Variants in ENTPD4 observed in about 807,000 individuals in gnomAD.
ENTPD4 encodes the protein ectonucleoside triphosphate diphosphohydrolase 4, also known as Golgi UDPase.
In ENTPD4, 60 loss-of-function variants were observed where a neutral mutation model predicts 79.1. The ratio of observed to expected loss-of-function variants is 0.76; its 90% CI spans 0.62 to 0.94. The LOEUF is 0.94. Ranked by LOEUF, ENTPD4 falls within the 40% of genes least tolerant of loss-of-function variation. ENTPD4 has a pLI of 0.00. For missense variants in ENTPD4, 772 were observed against 775.1 expected, an observed-to-expected ratio of 1.00 and a Z score of 0.05; for synonymous variants, 276 against 292.0, an observed-to-expected ratio of 0.95 and a Z score of 0.56.
At position 23,449,982 on chromosome 8, in the gene ENTPD4, C is replaced by A. The variant is rs761472654; in HGVS notation, c.-82G>T. On this transcript the variant is annotated 5_prime_UTR_variant, in exon 2 of 13. Transcript: ENST00000358689. ...TATAGAAATAATGCTGGGGTCCTCA[C>A]GGAGTTAGAGCCCTCCTGTTCCAGG... 9.5e-6 allele frequency: 15 copies of A among 1,577,526 alleles called. No individual in the cohort carries two copies. Among genetic ancestry groups the A allele is most frequent in the Non-Finnish European group, 1.2e-5 (14 of 1,147,004 alleles).
intron 4 of ENTPD4, among the ~76,000 whole-genome samples, chr8:23,445,536 CA>C (rs894343165): frequency 2.0e-5 from 3 of 152,198 alleles, no homozygotes; most frequent in African/African-American, 7.2e-5. Context: ...CCTCCACCAC[CA>C]AGAAGAGTCT....
Position 23,431,906 on chromosome 8 carries a change from A to G in ENTPD4, c.*1020T>C, listed in dbSNP as rs1459743837. On this transcript the variant is annotated 3_prime_UTR_variant, in exon 13 of 13. Transcript: ENST00000358689. ...CGTAATTACCTGCGGTCAGGAAAAGATAACAGTAACGAGGATTTTTCTAAA... is the reference window on the plus strand; with the variant it reads ...CGTAATTACCTGCGGTCAGGAAAAGGTAACAGTAACGAGGATTTTTCTAAA... The G allele has an allele frequency of 1.0e-6, 1 of 985,450 alleles. No individual in the cohort carries two copies. The highest frequency in any genetic ancestry group is 1.2e-6 in the Non-Finnish European group (1 of 829,934). The allele number at this position is 985,450 out of a possible 1,614,324, so 61.0% of individuals were successfully genotyped here.
At chr8:23,451,418 C>G (rs1198527082) in intron 1 of ENTPD4, among the ~76,000 whole-genome samples, 1 of 152,178 alleles carries the variant, frequency 6.6e-6, no homozygotes, top group African/African-American at 2.4e-5. Context: ...GCTCTTATCT[C>G]TTGCCTGCTC....
At chr8:23,433,184 G>T (rs759194265) in intron 12 of ENTPD4, 30 bp from the exon 13 acceptor site, 1 of 1,599,144 alleles carries the variant, frequency 6.3e-7, no homozygotes, top group Non-Finnish European at 8.6e-7. Context: ...ACAACAAACA[G>T]GACAGTAAGC....
chr8:23,450,610 T>C (rs1468355880), intron 1 of ENTPD4, among the ~76,000 whole-genome samples: 1 of 152,234 alleles, frequency 6.6e-6, no homozygotes. Flanking sequence ...TCGTCTGGTC[T>C]GCTTCTGAGC....
chr8:23,437,038 G>A lies in ENTPD4; in HGVS notation c.1270C>T (p.Gln424Ter). 6.2e-7 allele frequency: 1 copy of A among 1,613,898 alleles called. No homozygotes were observed. Among genetic ancestry groups the A allele is most frequent in the Admixed American group, 1.7e-5 (1 of 60,030 alleles). ...NGVYQPPIHF[Q>*]NSEFYGFSEF... Reference sequence around the variant, plus strand: ...GAGAAGCCATAGAATTCACTGTTCTGGAAGTGAATTGGGGGCTGGTAGACC... The same window carrying A: ...GAGAAGCCATAGAATTCACTGTTCTAGAAGTGAATTGGGGGCTGGTAGACC... The change falls in exon 10 of 13, where the codon CAG becomes TAG. Residue 424 changes from glutamine (Q) to a stop codon, truncating the protein, a stop_gained. Transcript: ENST00000358689. LOFTEE classifies it high-confidence loss of function.
rs1200608345 is a variant in ENTPD4, at chr8:23,432,366, G to C, written c.*560C>G. The C allele has an allele frequency of 4.1e-6, 4 of 985,418 alleles. No individual in the cohort carries two copies. The highest frequency in any genetic ancestry group is 4.8e-6 in the Non-Finnish European group (4 of 830,132). 61.0% of individuals were successfully genotyped at this position (985,418 alleles called of 1,614,324 possible). The stretch of plus-strand genomic sequence containing the variant: ...TTTAACATTCCTTAGAGAAACCCCA[G>C]AAATCTCATTTATTTTTGGCAGATA... On this transcript the variant is annotated 3_prime_UTR_variant, in exon 13 of 13. Coordinates refer to ENST00000358689, the MANE Select transcript of ENTPD4 (RefSeq NM_004901.5).
intron 4 of ENTPD4, 59 bp downstream of exon 4, chr8:23,447,621 C>T (rs1229523184): frequency 5.2e-6 from 7 of 1,349,340 alleles, no homozygotes; most frequent in South Asian, 2.4e-5. Context: ...ATATGAAAGA[C>T]GCCACAGAGA....
intron 9 of ENTPD4, among the ~76,000 whole-genome samples, chr8:23,438,949 G>C (rs994316648): frequency 1.3e-5 from 2 of 152,054 alleles, no homozygotes; most frequent in Non-Finnish European, 2.9e-5. Context: ...CAATCTCTTA[G>C]CTCTATGAAC....
Position 23,430,460 on chromosome 8 carries a change from T to C in ENTPD4, c.*2466A>G. Reference sequence around the variant, plus strand: ...TACATTCCTGATTTAAGAGGATGCTTCTGTCTGTATCCTTTTTTGAACTGC... The same window carrying C: ...TACATTCCTGATTTAAGAGGATGCTCCTGTCTGTATCCTTTTTTGAACTGC... On this transcript the variant is annotated 3_prime_UTR_variant, in exon 13 of 13. Transcript: ENST00000358689. The C allele has an allele frequency of 1.0e-6, 1 of 985,500 alleles. No individual in the cohort carries two copies. The highest frequency in any genetic ancestry group is 1.2e-6 in the Non-Finnish European group (1 of 829,946). The allele number at this position is 985,500 out of a possible 1,614,324, so 61.0% of individuals were successfully genotyped here. A position where few individuals can be genotyped will look rare whatever the true frequency, so the allele number is the denominator to read the frequency against.
chr8:23,436,824 GCCTTC>G, intron 10 of ENTPD4, 105 bp downstream of exon 10: 2 of 886,406 alleles, frequency 2.3e-6, no homozygotes, highest in Non-Finnish European at 3.5e-6. Flanking sequence ...CTGCAGTGCA[GCCTTC>G]TATACTCCGT....
At chr8:23,455,971 C>A (rs1302798142) in intron 1 of ENTPD4, among the ~76,000 whole-genome samples, 2 of 152,208 alleles carry the variant, frequency 1.3e-5, no homozygotes, top group African/African-American at 4.8e-5. Flanking sequence ...CCACAGCAGG[C>A]ACCACTACCT....
Position 23,444,619 on chromosome 8 carries a change from G to A in ENTPD4, c.413-13C>T, listed in dbSNP as rs1800733659. On this transcript the variant is annotated splice_polypyrimidine_tract_variant and intron_variant, in intron 4 of 12. Coordinates refer to ENST00000358689, the MANE Select transcript of ENTPD4 (RefSeq NM_004901.5). ...AATTCTGAAATGCCTAGAGAAACAG[G>A]ATACTTTAGTTAAGAAGCAGATATT... The A allele has an allele frequency of 1.9e-6, 3 of 1,612,102 alleles. No individual in the cohort carries two copies. The highest frequency in any genetic ancestry group is 2.5e-6 in the Non-Finnish European group (3 of 1,178,296).
In ENTPD4 at chr8:23,435,432, G is replaced by A. The variant is rs1800540015; in HGVS notation, c.1420C>T (p.Arg474Ter). 5 of 1,613,858 alleles carry A rather than the reference G, an allele frequency of 3.1e-6. No individual in the cohort carries two copies. Among genetic ancestry groups the A allele is most frequent in the South Asian group, 1.1e-5 (1 of 91,058 alleles). Residue 474 changes from arginine to a stop codon, truncating the protein, a stop_gained, in exon 11 of 13, where the codon CGA becomes TGA. Transcript: ENST00000358689. LOFTEE classifies it high-confidence loss of function. ...TCAGCATGAGAGGCGTACAGTCCTCGGTCAAAGCGTTCCCGCAAAATGGAC... is the reference window on the plus strand; with the variant it reads ...TCAGCATGAGAGGCGTACAGTCCTCAGTCAAAGCGTTCCCGCAAAATGGAC... ...KWSILRERFD[R>*]GLYASHADLH...
chr8:23,433,109 CCG>C lies in ENTPD4; in HGVS notation c.1666_1667del (p.Arg556GlyfsTer126). Reference protein sequence around the residue: ...EAFRASHTHWRGVSFVYNHYL... With the variant: ...EAFRASHTHWXGVSFVYNHYL... ...AGTGGTTGTAGACAAAGGAAACGCC[CCG>C]CCAGTGGGTGTGACTGGCTCGGAAG... On this transcript the variant is annotated frameshift_variant, in exon 13 of 13. Coordinates refer to ENST00000358689, the MANE Select transcript of ENTPD4 (RefSeq NM_004901.5). LOFTEE classifies it high-confidence loss of function. The C allele has an allele frequency of 6.2e-7, 1 of 1,614,156 alleles. No individual in the cohort carries two copies. The highest frequency in any genetic ancestry group is 1.1e-5 in the South Asian group (1 of 91,078).
chr8:23,430,182 A>AC lies in ENTPD4; in HGVS notation c.*2743dup, dbSNP rs559840863. 164 of 985,416 alleles carry AC rather than the reference A, an allele frequency of 1.7e-4. No homozygotes were observed. The African/African-American group carries it at 2.8e-3, about 17-fold the overall frequency. The allele number at this position is 985,416 out of a possible 1,614,324, so 61.0% of individuals were successfully genotyped here. A position where few individuals can be genotyped will look rare whatever the true frequency, so the allele number is the denominator to read the frequency against. ...TTAGAGAAAGCACCTGGCTGTCTTC[A>AC]CCTACGCGAGACCTTCTCTGGAATG... On this transcript the variant is annotated 3_prime_UTR_variant, in exon 13 of 13. Transcript: ENST00000358689.
chr8:23,430,036 T>TA lies in ENTPD4; in HGVS notation c.*2889dup. 1 of 985,484 alleles carries TA rather than the reference T, an allele frequency of 1.0e-6. No individual in the cohort carries two copies. Among genetic ancestry groups the TA allele is most frequent in the Non-Finnish European group, 1.2e-6 (1 of 829,936 alleles). The allele number at this position is 985,484 out of a possible 1,614,324, so 61.0% of individuals were successfully genotyped here. A position where few individuals can be genotyped will look rare whatever the true frequency, so the allele number is the denominator to read the frequency against. ...TTTGATAAAGCTTTGGGCAAGTTCCTAGTCCAATTTCTTCTGCTACAAGTA... is the reference window on the plus strand; with the variant it reads ...TTTGATAAAGCTTTGGGCAAGTTCCTAAGTCCAATTTCTTCTGCTACAAGTA... On this transcript the variant is annotated 3_prime_UTR_variant, in exon 13 of 13. Coordinates refer to ENST00000358689, the MANE Select transcript of ENTPD4 (RefSeq NM_004901.5).
In ENTPD4 at chr8:23,439,815, A is replaced by G. The variant is rs761899254; in HGVS notation, c.983T>C (p.Phe328Ser). 3 of 1,614,148 alleles carry G rather than the reference A, an allele frequency of 1.9e-6. No homozygotes were observed. In the South Asian group the frequency reaches 3.3e-5, roughly 18 times the overall value. ...YRVYVATFLG[F>S]GGNAARQRYE... Reference sequence around the variant, plus strand: ...TCTCTGTCGAGCAGCATTGCCACCAAACCCAAGAAACGTGGCCACATAGAC... The same window carrying G: ...TCTCTGTCGAGCAGCATTGCCACCAGACCCAAGAAACGTGGCCACATAGAC... Residue 328 changes from phenylalanine (F) to serine (S), a missense_variant, in exon 9 of 13, where the codon TTT becomes TCT. Physicochemically the swap from Phe to Ser is radical, Grantham distance 155. Transcript: ENST00000358689.
chr8:23,441,911 G>C, intron 7 of ENTPD4, 96 bp downstream of exon 7: 1 of 1,206,780 alleles, frequency 8.3e-7, no homozygotes, highest in Non-Finnish European at 1.2e-6. Context: ...ACACGCTTAG[G>C]AGTGTCACAA....
Sources: allele counts gnomAD v4.1 joint callset (sites outside exome capture counted in the v4.1 genomes callset), GRCh38; gene constraint gnomAD v4.1.1; transcripts MANE v1.5; gene names NCBI Gene and HGNC (gene_info 2026-07-23, HGNC 2026-07-21).